KLHL1: variants seen among roughly 807,000 people sequenced by gnomAD.
The protein encoded by KLHL1 is kelch-like protein 1.
A neutral mutation model predicts 77.7 loss-of-function variants in KLHL1; 47 were observed. That is an observed-to-expected ratio of 0.60 (90% CI 0.48 to 0.77). The LOEUF is 0.77. Among genes scored for constraint, KLHL1 ranks in the 30% least tolerant of loss-of-function variants. The pLI is 0.00. For missense variants in KLHL1, 925 were observed against 910.8 expected, an observed-to-expected ratio of 1.02 and a Z score of -0.20; for synonymous variants, 360 against 325.2, an observed-to-expected ratio of 1.11 and a Z score of -1.15.
chr13:70,104,989 G>T (rs1433925180), intron 1 of KLHL1, among the ~76,000 whole-genome samples: 2 of 151,938 alleles, frequency 1.3e-5, no homozygotes, highest in Non-Finnish European at 2.9e-5. Context: ...TCAATCATGA[G>T]CAGAGAACCA....
chr13:70,053,052 A>G (rs907988550), intron 1 of KLHL1, among the ~76,000 whole-genome samples: 60 of 151,994 alleles, frequency 3.9e-4, no homozygotes, highest in African/African-American at 1.4e-3. Context: ...CCAGACAAAA[A>G]TTTTTGTATG....
intron 7 of KLHL1, among the ~76,000 whole-genome samples, chr13:69,780,703 T>TATATATATATATATATAC (rs1876109482): frequency 8.2e-5 from 1 of 12,258 alleles, no homozygotes. Flanking sequence ...TATATATATG[T>TATATATATATATATATAC]ATATATATAT....
At chr13:70,071,564 A>T (rs159919) in intron 1 of KLHL1, among the ~76,000 whole-genome samples, 1 of 151,894 alleles carries the variant, frequency 6.6e-6, no homozygotes, top group African/African-American at 2.4e-5. Context: ...AAGACACATC[A>T]CATTGCAGGC....
intron 1 of KLHL1, among the ~76,000 whole-genome samples, chr13:70,050,460 CCCATACTCATTT>C (rs1886603162): frequency 6.6e-6 from 1 of 151,454 alleles, no homozygotes; most frequent in Non-Finnish European, 1.5e-5. Flanking sequence ...TTTTAAAAAA[CCCATACTCATTT>C]CTTCATAAAG....
Position 69,981,849 on chromosome 13 carries a change from G to A in KLHL1, c.498-6047C>T, listed in dbSNP as rs1011718484. 4.5e-4 allele frequency among the ~76,000 whole-genome samples: 69 copies of A among 151,738 alleles called. 1 individual carries two copies. Among genetic ancestry groups the A allele is most frequent in the Non-Finnish European group, 1.8e-4 (12 of 67,944 alleles). Reference sequence around the variant, plus strand: ...TTCTTCAAACCAAAAGAATGCAAATGTGACTGTGATTCTGAAACTGTAATT... The same window carrying A: ...TTCTTCAAACCAAAAGAATGCAAATATGACTGTGATTCTGAAACTGTAATT... On this transcript the variant is annotated intron_variant, in intron 1 of 10. Coordinates refer to ENST00000377844, the MANE Select transcript of KLHL1 (RefSeq NM_020866.3).
intron 1 of KLHL1, among the ~76,000 whole-genome samples, chr13:70,077,574 C>CATA: frequency 6.6e-6 from 1 of 151,924 alleles, no homozygotes; most frequent in African/African-American, 2.4e-5. Context: ...TCTCAAAGTG[C>CATA]AAACCCATAG....
At chr13:69,970,251 A>G (rs1449220641) in intron 2 of KLHL1, among the ~76,000 whole-genome samples, 1 of 152,140 alleles carries the variant, frequency 6.6e-6, no homozygotes, top group African/African-American at 2.4e-5. Context: ...ATATCCCAGG[A>G]CATTTCATTA....
chr13:70,069,723 C>G (rs1887095624), intron 1 of KLHL1, among the ~76,000 whole-genome samples: 1 of 151,932 alleles, frequency 6.6e-6, no homozygotes, highest in African/African-American at 2.4e-5. Flanking sequence ...TGAACAAAAC[C>G]AAGGAAATAA....
chr13:69,865,510 GT>G (rs1880336339), intron 5 of KLHL1, among the ~76,000 whole-genome samples: 1 of 152,062 alleles, frequency 6.6e-6, no homozygotes. Context: ...TTTAATTTGT[GT>G]TTTTAAAAAA....
At chr13:69,775,004 C>T (rs1875756114) in intron 7 of KLHL1, among the ~76,000 whole-genome samples, 1 of 152,140 alleles carries the variant, frequency 6.6e-6, no homozygotes, top group African/African-American at 2.4e-5. Flanking sequence ...TTGGAACAAA[C>T]TTTAATCTGT....
chr13:70,033,098 A>G (rs2137368644), intron 1 of KLHL1, among the ~76,000 whole-genome samples: 1 of 152,306 alleles, frequency 6.6e-6, no homozygotes, highest in South Asian at 2.1e-4. Flanking sequence ...TCCCCCTGAA[A>G]TAAAAATTTC....
At chr13:69,798,612 A>G (rs1019108056) in intron 6 of KLHL1, among the ~76,000 whole-genome samples, 1 of 151,872 alleles carries the variant, frequency 6.6e-6, no homozygotes, top group African/African-American at 2.4e-5. Context: ...GATGTATTTT[A>G]TATTTTAATA....
In KLHL1 at chr13:70,084,622, C is replaced by CT. The variant is rs71116988; in HGVS notation, c.497+22580dup. 2.7e-3 allele frequency among the ~76,000 whole-genome samples: 41 copies of CT among 14,954 alleles called. 7 individuals carry two copies. Among genetic ancestry groups the CT allele is most frequent in the African/African-American group, 9.3e-3 (27 of 2,904 alleles). 9.8% of individuals were successfully genotyped at this position (14,954 alleles called of 152,430 possible). On this transcript the variant is annotated intron_variant, in intron 1 of 10. Coordinates refer to ENST00000377844, the MANE Select transcript of KLHL1 (RefSeq NM_020866.3). ...TACAGGCACCTGCCACCACGCCAGG[C>CT]TTTTTTTTTTTTTTTTTTTTTTTTT...
At chr13:69,715,531 T>A (rs1469382951) in intron 9 of KLHL1, among the ~76,000 whole-genome samples, 2 of 151,970 alleles carry the variant, frequency 1.3e-5, no homozygotes, top group Non-Finnish European at 2.9e-5. Context: ...ATTTATTTTT[T>A]TTTTTTTGAG....
intron 4 of KLHL1, among the ~76,000 whole-genome samples, chr13:69,900,318 C>T (rs1881810581): frequency 6.6e-6 from 1 of 152,248 alleles, no homozygotes; most frequent in African/African-American, 2.4e-5. Context: ...CATGAAACTT[C>T]ACGTTAAACA....
At chr13:69,834,050 T>G (rs927698742) in intron 6 of KLHL1, among the ~76,000 whole-genome samples, 2 of 151,804 alleles carry the variant, frequency 1.3e-5, no homozygotes, top group African/African-American at 4.8e-5. Flanking sequence ...CACAAAGTCA[T>G]AAGAACAATA....
intron 1 of KLHL1, among the ~76,000 whole-genome samples, chr13:70,065,194 A>C (rs1318166227): frequency 1.3e-5 from 2 of 152,206 alleles, no homozygotes; most frequent in African/African-American, 2.4e-5. Context: ...GTAGAAAAAA[A>C]TATTTTAACT....
At chr13:70,053,513 AT>A (rs1376159201) in intron 1 of KLHL1, among the ~76,000 whole-genome samples, 1 of 152,132 alleles carries the variant, frequency 6.6e-6, no homozygotes, top group Non-Finnish European at 1.5e-5. Flanking sequence ...AAATAAGGAA[AT>A]TAATTATAAT....
chr13:69,864,497 G>A (rs1295816229), intron 5 of KLHL1, among the ~76,000 whole-genome samples: 1 of 151,926 alleles, frequency 6.6e-6, no homozygotes, highest in Non-Finnish European at 1.5e-5. Context: ...ATAAGTTTCA[G>A]CATGTATTGC....
Sources: allele counts gnomAD v4.1 joint callset (sites outside exome capture counted in the v4.1 genomes callset), GRCh38; gene constraint gnomAD v4.1.1; transcripts MANE v1.5; gene names NCBI Gene and HGNC (gene_info 2026-07-23, HGNC 2026-07-21).